SLX4IP: variants seen among roughly 807,000 people sequenced by gnomAD.
SLX4IP encodes the protein SLX4 interacting protein.
Under a neutral mutation model 32.9 loss-of-function variants are expected in SLX4IP, and 34 were observed. The ratio of observed to expected loss-of-function variants is 1.03; its 90% CI spans 0.79 to 1.38. The LOEUF (loss-of-function observed/expected upper bound fraction) is 1.38, where lower values mean the gene tolerates loss of function less well. Among genes scored for constraint, SLX4IP ranks in the 40% most tolerant of loss-of-function variants. SLX4IP has a pLI of 0.00. For missense variants in SLX4IP, 444 were observed against 479.0 expected (o/e 0.93, Z 0.68); for synonymous variants, 172 against 171.7 (o/e 1.00, Z -0.01).
chr20:10,509,399 G>T (rs1264142403), intron 2 of SLX4IP, among the ~76,000 whole-genome samples: 1 of 152,142 alleles, frequency 6.6e-6, no homozygotes, highest in Non-Finnish European at 1.5e-5. Context: ...CCCCACTGTG[G>T]AACAGTGACC....
intron 2 of SLX4IP, among the ~76,000 whole-genome samples, chr20:10,494,061 G>A (rs1274874181): frequency 6.6e-6 from 1 of 151,314 alleles, no homozygotes; most frequent in African/African-American, 2.4e-5. Context: ...TCTCAATACG[G>A]CATTTAGTAG....
intron 4 of SLX4IP, among the ~76,000 whole-genome samples, chr20:10,598,450 G>C (rs1198208920): frequency 6.6e-6 from 1 of 152,172 alleles, no homozygotes; most frequent in African/African-American, 2.4e-5. Flanking sequence ...TTTTAATAGA[G>C]ACAGGGTTTC....
At chr20:10,594,002 A>G (rs1017506296) in intron 4 of SLX4IP, among the ~76,000 whole-genome samples, 33 of 152,338 alleles carry the variant, frequency 2.2e-4, no homozygotes, top group African/African-American at 7.7e-4. Context: ...TTGTAATAAT[A>G]GTGTCGTGGT....
chr20:10,445,478 G>A (rs1440417636), intron 1 of SLX4IP, among the ~76,000 whole-genome samples: 1 of 151,402 alleles, frequency 6.6e-6, no homozygotes, highest in Non-Finnish European at 1.5e-5. Context: ...AAGACGCCTG[G>A]CTAATTTTTT....
intron 2 of SLX4IP, among the ~76,000 whole-genome samples, chr20:10,507,376 A>G (rs1419910608): frequency 6.6e-6 from 1 of 152,038 alleles, no homozygotes; most frequent in Non-Finnish European, 1.5e-5. Flanking sequence ...AAGTGGGGAG[A>G]TGAGGTGGGA....
rs745621864 is a variant in SLX4IP at position 10,623,198 on chromosome 20, A to G, written c.1046A>G (p.Asp349Gly). Reference protein sequence around the residue: ...LSDPGLLLKQDLAKTTSKEEL... With the variant: ...LSDPGLLLKQGLAKTTSKEEL... ...GATCCAGGGTTACTTTTGAAACAAG[A>G]TTTGGCAAAAACCACGTCTAAGGAA... The change falls in exon 8 of 8, where the codon GAT becomes GGT. Residue 349 changes from aspartate (D) to glycine (G), a missense_variant. Physicochemically the swap from Asp to Gly is moderately conservative, Grantham distance 94. Coordinates refer to ENST00000334534, the MANE Select transcript of SLX4IP (RefSeq NM_001009608.3). The G allele has an allele frequency of 8.1e-6, 13 of 1,614,092 alleles. No homozygotes were observed. The Admixed American group carries it at 2.0e-4, about 25-fold the overall frequency.
intron 4 of SLX4IP, among the ~76,000 whole-genome samples, chr20:10,594,752 C>T (rs1000153665): frequency 1.3e-5 from 2 of 152,000 alleles, no homozygotes; most frequent in African/African-American, 4.8e-5. Flanking sequence ...GTTTTTTTGT[C>T]GTAATTTTTG....
chr20:10,470,458 T>C (rs2065415295), intron 2 of SLX4IP, among the ~76,000 whole-genome samples: 1 of 152,240 alleles, frequency 6.6e-6, no homozygotes, highest in Non-Finnish European at 1.5e-5. Context: ...GGAATATCCA[T>C]GATTAAGTAA....
At chr20:10,462,111 A>C (rs1160158942) in intron 2 of SLX4IP, among the ~76,000 whole-genome samples, 1 of 152,218 alleles carries the variant, frequency 6.6e-6, no homozygotes, top group East Asian at 1.9e-4. Context: ...AATATGATAA[A>C]GTATGGGGCA....
intron 2 of SLX4IP, among the ~76,000 whole-genome samples, chr20:10,480,574 A>G (rs536366333): frequency 1.3e-5 from 2 of 152,354 alleles, no homozygotes; most frequent in African/African-American, 2.4e-5. Context: ...AACTAAAAAT[A>G]TAAAACGTGA....
chr20:10,517,221 G>A (rs960193679), intron 2 of SLX4IP, among the ~76,000 whole-genome samples: 7 of 152,106 alleles, frequency 4.6e-5, no homozygotes, highest in Middle Eastern at 3.2e-3. Flanking sequence ...ACCCTCACAG[G>A]GTCAATGTCA....
At chr20:10,506,197 A>G (rs1469167799) in intron 2 of SLX4IP, among the ~76,000 whole-genome samples, 1 of 152,252 alleles carries the variant, frequency 6.6e-6, no homozygotes, top group Non-Finnish European at 1.5e-5. Flanking sequence ...ACTGGGATTT[A>G]GGCAGCAATT....
At chr20:10,492,005 T>C (rs2065627728) in intron 2 of SLX4IP, among the ~76,000 whole-genome samples, 1 of 152,228 alleles carries the variant, frequency 6.6e-6, no homozygotes, top group African/African-American at 2.4e-5. Context: ...TGCATAGTAT[T>C]AGGCAGTCTG....
At chr20:10,619,043 T>C (rs2067073788) in intron 6 of SLX4IP, among the ~76,000 whole-genome samples, 1 of 152,150 alleles carries the variant, frequency 6.6e-6, no homozygotes, top group South Asian at 2.1e-4. Context: ...TAATGAGACC[T>C]GACAGCTCAG....
At chr20:10,620,713 C>T (rs532874407) in intron 6 of SLX4IP, among the ~76,000 whole-genome samples, 99 of 152,238 alleles carry the variant, frequency 6.5e-4, no homozygotes, top group Non-Finnish European at 1.2e-3. Flanking sequence ...GCCACCACGT[C>T]CCGCTAGTTT....
At chr20:10,589,292 A>G (rs1205831876) in intron 4 of SLX4IP, among the ~76,000 whole-genome samples, 1 of 152,218 alleles carries the variant, frequency 6.6e-6, no homozygotes, top group African/African-American at 2.4e-5. Flanking sequence ...CATTATCATA[A>G]AGATGTTTAT....
At chr20:10,537,771 A>G (rs1292200414) in intron 2 of SLX4IP, among the ~76,000 whole-genome samples, 1 of 152,172 alleles carries the variant, frequency 6.6e-6, no homozygotes, top group Non-Finnish European at 1.5e-5. Flanking sequence ...TACCCAAAAT[A>G]AAAATGGTTA....
chr20:10,475,755 C>T (rs1240206162), intron 2 of SLX4IP, among the ~76,000 whole-genome samples: 1 of 152,226 alleles, frequency 6.6e-6, no homozygotes, highest in Non-Finnish European at 1.5e-5. Context: ...ACTTTTGCTT[C>T]ATCGATTGTG....
intron 6 of SLX4IP, among the ~76,000 whole-genome samples, chr20:10,602,987 A>G (rs1225068178): frequency 1.3e-5 from 2 of 152,252 alleles, no homozygotes; most frequent in East Asian, 3.8e-4. Flanking sequence ...AAGAATACAC[A>G]TTAAATGAAT....
Sources: gnomAD v4.1 joint callset for allele counts (sites outside exome capture counted in the v4.1 genomes callset) on GRCh38, gnomAD v4.1.1 for gene constraint, MANE v1.5 for transcripts, NCBI Gene and HGNC (gene_info 2026-07-23, HGNC 2026-07-21) for gene names.